Variants in PDE4B observed in about 807,000 individuals in gnomAD.
PDE4B encodes the protein phosphodiesterase 4B, also known as 3',5'-cyclic-AMP phosphodiesterase 4B.
Under a neutral mutation model 82.2 loss-of-function variants are expected in PDE4B, and 20 were observed. The ratio of observed to expected loss-of-function variants is 0.24; its 90% confidence interval spans 0.17 to 0.35. The LOEUF (loss-of-function observed/expected upper bound fraction) is 0.35, where lower values mean the gene tolerates loss of function less well. Among genes scored for constraint, PDE4B ranks in the 10% least tolerant of loss-of-function variants. The probability of loss-of-function intolerance (pLI) is 1.00; values close to 1 mark genes in which losing one functional copy is unlikely to be tolerated. For missense variants in PDE4B, 655 were observed against 907.2 expected (o/e 0.72, Z 3.57); for synonymous variants, 320 against 318.9 (o/e 1.00, Z -0.04).
chr1:66,029,090 GA>G (rs1019555704), intron 3 of PDE4B, among the ~76,000 whole-genome samples: 16 of 152,070 alleles, frequency 1.1e-4, no homozygotes, highest in Non-Finnish European at 2.1e-4. Flanking sequence ...GACTGGGAAG[GA>G]AAAAAAGTTT....
At chr1:66,185,043 T>A (rs1420054667) in intron 3 of PDE4B, among the ~76,000 whole-genome samples, 2 of 151,974 alleles carry the variant, frequency 1.3e-5, no homozygotes, top group African/African-American at 2.4e-5. Context: ...CCTGTGTCCA[T>A]GTGTTCTCAT....
intron 3 of PDE4B, among the ~76,000 whole-genome samples, chr1:66,139,237 G>A (rs533225394): frequency 1.3e-5 from 2 of 152,276 alleles, no homozygotes; most frequent in African/African-American, 4.8e-5. Context: ...TTCCTTTCTG[G>A]AGGTTCTAAG....
chr1:66,323,736 G>A (rs1659569668), intron 7 of PDE4B, among the ~76,000 whole-genome samples: 1 of 152,022 alleles, frequency 6.6e-6, no homozygotes, highest in Non-Finnish European at 1.5e-5. Context: ...AGGAAACTGG[G>A]GCACAGAGAA....
At chr1:66,002,568 T>A (rs967825484) in intron 3 of PDE4B, among the ~76,000 whole-genome samples, 1 of 151,770 alleles carries the variant, frequency 6.6e-6, no homozygotes, top group Non-Finnish European at 1.5e-5. Flanking sequence ...AAAAAATAAA[T>A]CTATAATAAT....
intron 7 of PDE4B, among the ~76,000 whole-genome samples, chr1:66,280,853 T>C (rs1557676783): frequency 6.6e-6 from 1 of 152,240 alleles, no homozygotes; most frequent in South Asian, 2.1e-4. Context: ...CTATTGAGTT[T>C]AGAATCTAGA....
At chr1:66,184,803 T>C (rs1342583322) in intron 3 of PDE4B, among the ~76,000 whole-genome samples, 2 of 145,736 alleles carry the variant, frequency 1.4e-5, no homozygotes, top group African/African-American at 2.5e-5. Context: ...GAGTTTTTCT[T>C]TTTTTTTTTA....
At chr1:66,213,682 A>G (rs1212224183) in intron 3 of PDE4B, among the ~76,000 whole-genome samples, 1 of 152,110 alleles carries the variant, frequency 6.6e-6, no homozygotes, top group Non-Finnish European at 1.5e-5. Flanking sequence ...GTATGGCTGG[A>G]TGACCCTGTG....
At chr1:66,009,625 G>A (rs2100733949) in intron 3 of PDE4B, among the ~76,000 whole-genome samples, 1 of 152,244 alleles carries the variant, frequency 6.6e-6, no homozygotes, top group South Asian at 2.1e-4. Flanking sequence ...CTCAGGCTAA[G>A]CAGGATTTCT....
At chr1:66,021,139 C>A (rs750340800) in intron 3 of PDE4B, among the ~76,000 whole-genome samples, 3 of 152,154 alleles carry the variant, frequency 2.0e-5, no homozygotes, top group South Asian at 4.1e-4. Context: ...TGTTTATATC[C>A]TTTGCCCACT....
chr1:65,967,867 C>T (rs565550115), intron 3 of PDE4B, among the ~76,000 whole-genome samples: 17 of 151,860 alleles, frequency 1.1e-4, no homozygotes, highest in Admixed American at 7.9e-4. Context: ...CAGGGCCTTT[C>T]GAGGGGTGAG....
At chr1:66,013,146 C>T (rs1379206018) in intron 3 of PDE4B, among the ~76,000 whole-genome samples, 2 of 152,078 alleles carry the variant, frequency 1.3e-5, no homozygotes, top group East Asian at 3.9e-4. Flanking sequence ...AATTGAATTG[C>T]ACACTTTGTG....
At chr1:66,262,013 A>T (rs1032276529) in intron 6 of PDE4B, among the ~76,000 whole-genome samples, 9 of 152,192 alleles carry the variant, frequency 5.9e-5, no homozygotes, top group Non-Finnish European at 2.9e-5. Flanking sequence ...CATCAACATC[A>T]TGAATGTCAC....
At chr1:65,810,762 T>G (rs1456505597) in intron 1 of PDE4B, among the ~76,000 whole-genome samples, 1 of 152,136 alleles carries the variant, frequency 6.6e-6, no homozygotes, top group Non-Finnish European at 1.5e-5. Context: ...ATTTTAAAAT[T>G]ATTATTAATA....
chr1:66,281,063 T>G lies in PDE4B; in HGVS notation c.634+14976T>G, dbSNP rs545746914. Among the ~76,000 whole-genome samples the G allele has an allele frequency of 1.1e-4, 16 of 152,298 alleles. No individual in the cohort carries two copies. The South Asian group carries it at 3.1e-3, about 30-fold the overall frequency. On this transcript the variant is annotated intron_variant, in intron 7 of 16. Transcript: ENST00000341517. Reference sequence around the variant, plus strand: ...TATGCTTATGGACTGGCCTTCCAAGTGCAGTTTCCTGCTCACTCTTATTTA... The same window carrying G: ...TATGCTTATGGACTGGCCTTCCAAGGGCAGTTTCCTGCTCACTCTTATTTA...
At chr1:66,127,156 A>G (rs114352598) in intron 3 of PDE4B, among the ~76,000 whole-genome samples, 99 of 152,124 alleles carry the variant, frequency 6.5e-4, no homozygotes, top group African/African-American at 2.3e-3. Flanking sequence ...GTATTGTACT[A>G]TGACAATTCC....
chr1:65,834,233 T>C (rs755283579), intron 1 of PDE4B, among the ~76,000 whole-genome samples: 2 of 152,058 alleles, frequency 1.3e-5, no homozygotes, highest in African/African-American at 2.4e-5. Flanking sequence ...TTAGTAGAGA[T>C]GGGTTTTGCC....
intron 3 of PDE4B, among the ~76,000 whole-genome samples, chr1:66,168,347 GA>G (rs962504849): frequency 1.3e-4 from 20 of 150,784 alleles, no homozygotes; most frequent in Middle Eastern, 3.4e-3. Context: ...GATGTTGTGA[GA>G]AAAAAAAAGC....
chr1:65,793,854 C>G (rs1253186404), intron 1 of PDE4B, among the ~76,000 whole-genome samples: 2 of 152,206 alleles, frequency 1.3e-5, no homozygotes, highest in Admixed American at 6.5e-5. Flanking sequence ...CCTCCTTTCT[C>G]CTGTCACTTT....
chr1:65,862,791 G>A (rs1051731155), intron 1 of PDE4B, among the ~76,000 whole-genome samples: 1 of 152,140 alleles, frequency 6.6e-6, no homozygotes, highest in African/African-American at 2.4e-5. Context: ...GGGTGTATGT[G>A]TCCAGGAATT....
Sources: allele counts gnomAD v4.1 joint callset (sites outside exome capture counted in the v4.1 genomes callset), GRCh38; gene constraint gnomAD v4.1.1; transcripts MANE v1.5; gene names NCBI Gene and HGNC (gene_info 2026-07-23, HGNC 2026-07-21).